Variants in TECPR2 observed in about 807,000 individuals in gnomAD.
TECPR2 encodes tectonin beta-propeller repeat containing 2.
TECPR2 carries 65 observed loss-of-function variants against 138.1 expected under a neutral mutation model. The ratio of observed to expected loss-of-function variants is 0.47; its 90% CI spans 0.39 to 0.58. The LOEUF is 0.58. Ranked by LOEUF, TECPR2 falls within the 20% of genes least tolerant of loss-of-function variation. The pLI, the probability that TECPR2 is intolerant of heterozygous loss-of-function variation, is 0.00. For synonymous variants in TECPR2, 746 were observed against 749.8 expected (o/e 0.99, Z 0.08); for missense variants, 1,553 against 1,824.5 (o/e 0.85, Z 2.71).
At chr14:102,497,429 GC>G (rs1386537591) in intron 18 of TECPR2, 140 bp from the exon 19 acceptor site, 38 of 1,226,506 alleles carry the variant, frequency 3.1e-5, no homozygotes, top group East Asian at 2.7e-4. Flanking sequence ...CTCGGCTCCT[GC>G]CCCAAGCCCA....
At chr14:102,451,122 C>T (rs1314920012) in intron 15 of TECPR2, among the ~76,000 whole-genome samples, 1 of 152,212 alleles carries the variant, frequency 6.6e-6, no homozygotes, top group Non-Finnish European at 1.5e-5. Context: ...CTGCCAACCA[C>T]ATTCTGGGCA....
intron 13 of TECPR2, among the ~76,000 whole-genome samples, chr14:102,447,660 G>A (rs2139748777): frequency 6.6e-6 from 1 of 152,004 alleles, no homozygotes; most frequent in South Asian, 2.1e-4. Context: ...TCAGCCTCCT[G>A]GGTAGCTGGG....
At chr14:102,442,059 A>G (rs1567343647) in intron 11 of TECPR2, among the ~76,000 whole-genome samples, 1 of 151,776 alleles carries the variant, frequency 6.6e-6, no homozygotes, top group Non-Finnish European at 1.5e-5. Flanking sequence ...GCTCACTGCA[A>G]CCTCCACTTC....
intron 16 of TECPR2, among the ~76,000 whole-genome samples, chr14:102,463,739 C>T (rs1234902489): frequency 6.6e-6 from 1 of 151,998 alleles, no homozygotes; most frequent in East Asian, 1.9e-4. Flanking sequence ...GCCTGGCCGA[C>T]ATGATTAAAC....
chr14:102,453,808 A>G (rs1352662502), intron 16 of TECPR2, among the ~76,000 whole-genome samples: 23 of 148,536 alleles, frequency 1.5e-4, no homozygotes, highest in Admixed American at 1.4e-4. Context: ...AAACTCAATC[A>G]CATGTACTCA....
At chr14:102,433,187 T>C (rs1175233298) in intron 8 of TECPR2, among the ~76,000 whole-genome samples, 1 of 152,036 alleles carries the variant, frequency 6.6e-6, no homozygotes, top group Non-Finnish European at 1.5e-5. Flanking sequence ...TTTTTTCTTT[T>C]TTTTTTTCAA....
rs139520375 is a variant in TECPR2, at chr14:102,431,824, C to T, written c.1113C>T (p.Cys371=). The change falls in exon 8 of 20, where the codon TGC becomes TGT. Residue 371 remains cysteine, a synonymous_variant. Coordinates refer to ENST00000359520, the MANE Select transcript of TECPR2 (RefSeq NM_014844.5). The part of the protein sequence containing the change: ...TVRDGLEMSG[C]SERVHVQQAE... Reference sequence around the variant, plus strand: ...GAGATGGTCTGGAGATGTCTGGATGCTCAGAGCGTGTCCACGTGCAGCAAG... The same window carrying T: ...GAGATGGTCTGGAGATGTCTGGATGTTCAGAGCGTGTCCACGTGCAGCAAG... 17 of 1,587,224 alleles carry T rather than the reference C, an allele frequency of 1.1e-5. No individual in the cohort carries two copies. The highest frequency in any genetic ancestry group is 3.4e-4 in the Middle Eastern group (2 of 5,950).
At chr14:102,363,256 CCCTCGCCCGCGG>C in intron 1 of TECPR2, 140 bp downstream of exon 1, 1 of 195,978 alleles carries the variant, frequency 5.1e-6, no homozygotes, top group Non-Finnish European at 1.0e-5. Flanking sequence ...CGCCCCGTCT[CCCTCGCCCGCGG>C]TCTCGCCCGC....
intron 2 of TECPR2, among the ~76,000 whole-genome samples, chr14:102,380,811 T>G (rs1409582205): frequency 6.6e-6 from 1 of 152,174 alleles, no homozygotes; most frequent in Non-Finnish European, 1.5e-5. Flanking sequence ...CCCAAGTAGC[T>G]GGGACTACAG....
intron 2 of TECPR2, among the ~76,000 whole-genome samples, chr14:102,394,342 A>G (rs1888259973): frequency 6.6e-6 from 1 of 152,190 alleles, no homozygotes; most frequent in Non-Finnish European, 1.5e-5. Context: ...ACGGTGGCTC[A>G]CACCTGTAAT....
intron 9 of TECPR2, among the ~76,000 whole-genome samples, chr14:102,436,690 G>A (rs1889679769): frequency 6.6e-6 from 1 of 152,210 alleles, no homozygotes; most frequent in Admixed American, 6.5e-5. Context: ...GGCCTTGACT[G>A]TCAGCCTCTG....
chr14:102,437,285 G>A lies in TECPR2; in HGVS notation c.2395-737G>A, dbSNP rs912341851. On this transcript the variant is annotated intron_variant, in intron 9 of 19. Transcript: ENST00000359520. Reference sequence around the variant, plus strand: ...AGCAAGGTCGGGCACAGTGGCTCACGCCTGTAATCCCAGCACTTTGGGAGG... The same window carrying A: ...AGCAAGGTCGGGCACAGTGGCTCACACCTGTAATCCCAGCACTTTGGGAGG... 46 of 818,138 alleles carry A rather than the reference G, an allele frequency of 5.6e-5. No individual in the cohort carries two copies. The African/African-American group carries it at 7.8e-4, about 14-fold the overall frequency. The allele number at this position is 818,138 out of a possible 1,614,324, so 50.7% of individuals were successfully genotyped here.
Position 102,443,924 on chromosome 14 carries a change from A to C in TECPR2, c.2933+97A>C. The C allele has an allele frequency of 2.4e-6, 3 of 1,237,602 alleles. No individual in the cohort carries two copies. The highest frequency in any genetic ancestry group is 2.2e-6 in the Non-Finnish European group (2 of 920,852). The allele number at this position is 1,237,602 out of a possible 1,614,324, so 76.7% of individuals were successfully genotyped here. On this transcript the variant is annotated intron_variant, in intron 12 of 19. Transcript: ENST00000359520. The surrounding 1 kb of genome is among the most constrained non-coding windows in gnomAD (Gnocchi z 4.9). ...AAGGCACCATGAGGCCGTTCCTGGG[A>C]GGCAGCACCTGCAGCCTCCATGGCT...
In TECPR2 at chr14:102,432,049, C is replaced by T; in HGVS notation, c.1338C>T (p.Ala446=). 1 of 1,612,816 alleles carries T rather than the reference C, an allele frequency of 6.2e-7. No homozygotes were observed. The highest frequency in any genetic ancestry group is 8.5e-7 in the Non-Finnish European group (1 of 1,179,886). Residue 446 remains alanine (A), a synonymous_variant, in exon 8 of 20, where the codon GCC becomes GCT. Transcript: ENST00000359520. ...AGCCCCTGTCACAGAGATTCAACGCCATCAGCTCAGAGGACTTTGACCAGG... is the reference window on the plus strand; with the variant it reads ...AGCCCCTGTCACAGAGATTCAACGCTATCAGCTCAGAGGACTTTGACCAGG... ...GSQPLSQRFN[A]ISSEDFDQEL... is the part of the protein sequence containing the mutation.
chr14:102,453,247 G>A (rs1890192664), intron 16 of TECPR2, among the ~76,000 whole-genome samples: 1 of 152,162 alleles, frequency 6.6e-6, no homozygotes, highest in African/African-American at 2.4e-5. Context: ...AGGCTGAGGT[G>A]GGTGGATCAC....
chr14:102,433,154 A>G (rs1401547723), intron 8 of TECPR2, among the ~76,000 whole-genome samples: 1 of 152,146 alleles, frequency 6.6e-6, no homozygotes, highest in Non-Finnish European at 1.5e-5. Context: ...ATATGCTACC[A>G]AATATGGGAT....
intron 7 of TECPR2, 125 bp downstream of exon 7, chr14:102,428,507 TC>T: frequency 6.9e-7 from 1 of 1,442,340 alleles, no homozygotes; most frequent in Non-Finnish European, 9.4e-7. Flanking sequence ...ACGCCTGTAA[TC>T]CCAGCACTTT....
In TECPR2 at chr14:102,367,994, C is replaced by T. The variant is rs536708623; in HGVS notation, c.-73+4878C>T. On this transcript the variant is annotated intron_variant, in intron 1 of 19. Coordinates refer to ENST00000359520, the MANE Select transcript of TECPR2 (RefSeq NM_014844.5). ...AACATCTTTTTATGTGCTTATTGGC[C>T]TTTTTTTTTTTTTTTTTTTTTTTTT... Among the ~76,000 whole-genome samples, 166 of 65,832 alleles carry T rather than the reference C, an allele frequency of 2.5e-3. 1 individual carries two copies. Among genetic ancestry groups the T allele is most frequent in the South Asian group, 0.015 (31 of 2,012 alleles). The allele number at this position is 65,832 out of a possible 152,430, so 43.2% of individuals were successfully genotyped here.
chr14:102,483,053 G>A (rs552549728), intron 17 of TECPR2, among the ~76,000 whole-genome samples: 40 of 150,738 alleles, frequency 2.7e-4, no homozygotes, highest in Admixed American at 9.3e-4. Flanking sequence ...GGGTTTCACC[G>A]TGTTAGCCAG....
Sources: allele counts gnomAD v4.1 joint callset (sites outside exome capture counted in the v4.1 genomes callset), GRCh38; gene constraint gnomAD v4.1.1; non-coding constraint Gnocchi (gnomAD v3.1); transcripts MANE v1.5; gene names NCBI Gene and HGNC (gene_info 2026-07-23, HGNC 2026-07-21).